PDE1C: variants seen among roughly 807,000 people sequenced by gnomAD.
The protein encoded by PDE1C is dual specificity calcium/calmodulin-dependent 3',5'-cyclic nucleotide phosphodiesterase 1C.
In PDE1C, 62 loss-of-function variants were observed where a neutral mutation model predicts 93.1. That is an observed-to-expected ratio of 0.67 (90% CI 0.54 to 0.82). PDE1C has a LOEUF of 0.82. Ranked by LOEUF, PDE1C falls within the 40% of genes least tolerant of loss-of-function variation. The pLI is 0.00. For synonymous variants in PDE1C, 325 were observed against 310.1 expected, an observed-to-expected ratio of 1.05 and a Z score of -0.50; for missense variants, 742 against 884.6, an observed-to-expected ratio of 0.84 and a Z score of 2.04.
At chr7:31,848,584 G>A (rs956230554) in intron 8 of PDE1C, among the ~76,000 whole-genome samples, 7 of 152,098 alleles carry the variant, frequency 4.6e-5, no homozygotes, top group African/African-American at 1.7e-4. Flanking sequence ...CCATGCAAAA[G>A]CCACATGTGG....
At chr7:32,324,674 C>T (rs988896672) in intron 1 of PDE1C, among the ~76,000 whole-genome samples, 7 of 152,160 alleles carry the variant, frequency 4.6e-5, no homozygotes, top group East Asian at 1.9e-4. Context: ...CAAGGTTGGG[C>T]GCGGTGGCTC....
intron 2 of PDE1C, among the ~76,000 whole-genome samples, chr7:31,896,408 C>G (rs1031749786): frequency 2.0e-5 from 3 of 152,192 alleles, no homozygotes; most frequent in African/African-American, 4.8e-5. Context: ...TGTCTGTTCA[C>G]TCCTACTAGC....
At chr7:32,333,708 G>A (rs73687131) in intron 1 of PDE1C, among the ~76,000 whole-genome samples, 8,740 of 152,258 alleles carry the variant, frequency 0.057, 848 homozygotes, top group African/African-American at 0.2. Flanking sequence ...CCTACATCGT[G>A]GGACTAGAGT....
intron 1 of PDE1C, among the ~76,000 whole-genome samples, chr7:32,407,138 A>T (rs1785070059): frequency 6.6e-6 from 1 of 151,998 alleles, no homozygotes; most frequent in Admixed American, 6.6e-5. Flanking sequence ...ATCGGGGTGT[A>T]GTGGTGGGCG....
chr7:32,031,393 A>G (rs1584521594), intron 2 of PDE1C, among the ~76,000 whole-genome samples: 1 of 152,232 alleles, frequency 6.6e-6, no homozygotes, highest in East Asian at 1.9e-4. Context: ...ACTTGCTTAA[A>G]GCCACACACT....
the PDE1C span, among the ~76,000 whole-genome samples, chr7:31,710,906 A>G: frequency 6.6e-6 from 1 of 152,176 alleles, no homozygotes; most frequent in East Asian, 1.9e-4. Flanking sequence ...AGGGCAGAAG[A>G]CTCTCCACAA....
At chr7:31,835,974 A>C (rs756644841) in intron 11 of PDE1C, among the ~76,000 whole-genome samples, 4 of 152,212 alleles carry the variant, frequency 2.6e-5, no homozygotes, top group Non-Finnish European at 5.9e-5. Context: ...ATCTCTTGTC[A>C]GTTTGCGGGA....
At chr7:31,617,206 T>G in the PDE1C span, among the ~76,000 whole-genome samples, 1 of 152,180 alleles carries the variant, frequency 6.6e-6, no homozygotes, top group Non-Finnish European at 1.5e-5. Flanking sequence ...TATTATTTCT[T>G]CTATAAACTC....
At chr7:31,909,860 A>T (rs1024002968) in intron 2 of PDE1C, among the ~76,000 whole-genome samples, 5 of 152,216 alleles carry the variant, frequency 3.3e-5, no homozygotes, top group Admixed American at 6.5e-5. Context: ...GAGTTTCCGC[A>T]AATTGGCACC....
At chr7:31,712,920 C>T in the PDE1C span, among the ~76,000 whole-genome samples, 1 of 152,162 alleles carries the variant, frequency 6.6e-6, no homozygotes, top group Non-Finnish European at 1.5e-5. Context: ...AATTACCTCC[C>T]ACCAGGTCCC....
chr7:31,886,634 A>G (rs1416181909), intron 2 of PDE1C, among the ~76,000 whole-genome samples: 1 of 152,122 alleles, frequency 6.6e-6, no homozygotes. Flanking sequence ...GGAATCTTCT[A>G]ATAACAAAGC....
chr7:31,705,309 T>C, the PDE1C span, among the ~76,000 whole-genome samples: 2 of 152,176 alleles, frequency 1.3e-5, no homozygotes, highest in African/African-American at 4.8e-5. Context: ...CTTGCCCACT[T>C]TGAATCAACT....
chr7:32,311,723 C>G (rs1170463643), intron 1 of PDE1C, among the ~76,000 whole-genome samples: 4 of 152,072 alleles, frequency 2.6e-5, no homozygotes, highest in Non-Finnish European at 4.4e-5. Context: ...GCTAAAAACT[C>G]TCAATAAATT....
At chr7:32,341,422 A>T (rs1653883) in intron 1 of PDE1C, among the ~76,000 whole-genome samples, 1 of 150,034 alleles carries the variant, frequency 6.7e-6, no homozygotes, top group South Asian at 2.2e-4. Context: ...TGATCCGCCC[A>T]CCTCGGCCTC....
At chr7:32,086,424 A>C (rs1797078666) in intron 3 of PDE1C, among the ~76,000 whole-genome samples, 1 of 152,214 alleles carries the variant, frequency 6.6e-6, no homozygotes, top group Non-Finnish European at 1.5e-5. Context: ...AAATGGCCAT[A>C]CTGCCCAAGG....
At chr7:32,058,869 G>A (rs968938384) in intron 1 of PDE1C, among the ~76,000 whole-genome samples, 1 of 151,836 alleles carries the variant, frequency 6.6e-6, no homozygotes, top group African/African-American at 2.4e-5. Flanking sequence ...TAACTGATGA[G>A]CTACAAAATG....
intron 1 of PDE1C, among the ~76,000 whole-genome samples, chr7:32,412,511 TATC>T (rs1479842082): frequency 6.6e-6 from 1 of 152,062 alleles, no homozygotes; most frequent in Non-Finnish European, 1.5e-5. Flanking sequence ...AGTTGTTTAT[TATC>T]ATTATCAAGT....
intron 1 of PDE1C, among the ~76,000 whole-genome samples, chr7:32,283,081 G>C (rs753855765): frequency 3.3e-5 from 5 of 152,094 alleles, no homozygotes; most frequent in Non-Finnish European, 7.4e-5. Flanking sequence ...AAGGCAAAAA[G>C]GATTTATAAA....
chr7:32,021,768 T>C (rs555709497), intron 2 of PDE1C, among the ~76,000 whole-genome samples: 2 of 152,204 alleles, frequency 1.3e-5, no homozygotes, highest in African/African-American at 4.8e-5. Context: ...TAATTTTCCT[T>C]GGAACACAAT....
Sources: gnomAD v4.1 joint callset for allele counts (sites outside exome capture counted in the v4.1 genomes callset) on GRCh38, gnomAD v4.1.1 for gene constraint, MANE v1.5 for transcripts, NCBI Gene and HGNC (gene_info 2026-07-23, HGNC 2026-07-21) for gene names.